Variants in DHX34 observed in about 807,000 individuals in gnomAD.
DHX34 encodes DExH-box helicase 34, also known as probable ATP-dependent RNA helicase DHX34.
DHX34 carries 96 observed loss-of-function variants against 111.1 expected under a neutral mutation model. The ratio of observed to expected loss-of-function variants is 0.86; its 90% CI spans 0.73 to 1.02. The LOEUF (loss-of-function observed/expected upper bound fraction) is 1.02. Among genes scored for constraint, DHX34 ranks in the 50% least tolerant of loss-of-function variants. The probability of loss-of-function intolerance (pLI) is 0.00; values close to 1 mark genes in which losing one functional copy is unlikely to be tolerated. For missense variants in DHX34, 1,560 were observed against 1,579.9 expected (o/e 0.99, Z 0.21); for synonymous variants, 688 against 670.4 (o/e 1.03, Z -0.41).
chr19:47,362,601 T>C lies in DHX34; in HGVS notation c.1501T>C (p.Phe501Leu), dbSNP rs1351121284. 1 of 1,613,916 alleles carries C rather than the reference T, an allele frequency of 6.2e-7. No individual in the cohort carries two copies. The highest frequency in any genetic ancestry group is 8.5e-7 in the Non-Finnish European group (1 of 1,179,984). Residue 501 changes from phenylalanine (F) to leucine (L), a missense_variant, in exon 6 of 17, where the codon TTC (phenylalanine) becomes CTC (leucine). Phe to Leu is a conservative substitution (Grantham distance 22). Coordinates refer to ENST00000328771, the MANE Select transcript of DHX34 (RefSeq NM_014681.6). ...RAGRTGPGVC[F>L]RLYAESDYDA... Reference sequence around the variant, plus strand: ...GGGCCGCACGGGCCCCGGAGTCTGCTTCCGCCTCTATGCCGAATCGGACTA... The same window carrying C: ...GGGCCGCACGGGCCCCGGAGTCTGCCTCCGCCTCTATGCCGAATCGGACTA...
intron 6 of DHX34, among the ~76,000 whole-genome samples, chr19:47,366,194 A>G (rs1469007557): frequency 6.6e-6 from 1 of 152,186 alleles, no homozygotes; most frequent in Non-Finnish European, 1.5e-5. Flanking sequence ...CTGGGGCAAG[A>G]TGTGCTAGGC....
chr19:47,373,007 A>G, intron 8 of DHX34, 84 bp downstream of exon 8: 9 of 1,445,642 alleles, frequency 6.2e-6, no homozygotes, highest in Non-Finnish European at 8.2e-6. Flanking sequence ...CTCGTGTCCC[A>G]CCCTCAGCCC....
At chr19:47,357,423 C>G (rs1275494205) in intron 3 of DHX34, among the ~76,000 whole-genome samples, 12 of 152,076 alleles carry the variant, frequency 7.9e-5, no homozygotes, top group Non-Finnish European at 8.8e-5. Flanking sequence ...AATTATCTAG[C>G]TGGAGTGTGC....
At chr19:47,379,043 C>T (rs537510152) in intron 13 of DHX34, among the ~76,000 whole-genome samples, 2 of 151,912 alleles carry the variant, frequency 1.3e-5, no homozygotes, top group South Asian at 4.2e-4. Flanking sequence ...GCAGGAAAAT[C>T]GCTTGAACCT....
Position 47,376,484 on chromosome 19 carries a change from C to T in DHX34, c.2523C>T (p.Pro841=), listed in dbSNP as rs1434157164. 3.1e-6 allele frequency: 5 copies of T among 1,609,974 alleles called. No individual in the cohort carries two copies. In the Admixed American group the frequency reaches 5.0e-5, roughly 16 times the overall value. ...CCAAGCAGGGCGCCGTGCTGCACCC[C>T]ACCTGCGTCTTCGCTGGCAGCCCCG... ...TQAKQGAVLH[P]TCVFAGSPEV... is the part of the protein sequence containing the mutation. Residue 841 remains proline (P), a synonymous_variant, in exon 12 of 17, where the codon CCC becomes CCT. Transcript: ENST00000328771.
At chr19:47,352,623 C>A (rs1969319783) in intron 1 of DHX34, 131 bp from the exon 2 acceptor site, 2 of 177,724 alleles carry the variant, frequency 1.1e-5, no homozygotes, top group South Asian at 1.2e-4. Context: ...TGTGGTGAGC[C>A]ATGATTACGG....
At chr19:47,379,354 C>A (rs1396943855) in intron 13 of DHX34, among the ~76,000 whole-genome samples, 1 of 152,138 alleles carries the variant, frequency 6.6e-6, no homozygotes, top group Non-Finnish European at 1.5e-5. Context: ...GCGCTGACTT[C>A]CGTCCTCACA....
chr19:47,358,150 G>C, intron 4 of DHX34, 30 bp downstream of exon 4: 3 of 1,591,758 alleles, frequency 1.9e-6, no homozygotes, highest in Non-Finnish European at 2.6e-6. Context: ...TGGGGCAGGC[G>C]GGGGGTCTGC....
chr19:47,378,209 C>T (rs944074788), intron 13 of DHX34, among the ~76,000 whole-genome samples: 11 of 152,130 alleles, frequency 7.2e-5, no homozygotes, highest in African/African-American at 2.7e-4. Context: ...CTGCGATTGC[C>T]ACCAACACCA....
chr19:47,366,299 G>T (rs1969783570), intron 6 of DHX34, among the ~76,000 whole-genome samples: 1 of 151,590 alleles, frequency 6.6e-6, no homozygotes, highest in Non-Finnish European at 1.5e-5. Flanking sequence ...TTTTATTTTT[G>T]AGATAGAATC....
At chr19:47,362,362 A>G in intron 5 of DHX34, 114 bp from the exon 6 acceptor site, 2 of 1,338,170 alleles carry the variant, frequency 1.5e-6, no homozygotes, top group East Asian at 3.1e-5. Context: ...CTCAGTTAGC[A>G]TTAACAGAAT....
At chr19:47,366,124 CCA>C in intron 6 of DHX34, among the ~76,000 whole-genome samples, 1 of 152,230 alleles carries the variant, frequency 6.6e-6, no homozygotes, top group Admixed American at 6.5e-5. Context: ...CTTCCTGGCT[CCA>C]GTCTCATGGA....
intron 6 of DHX34, among the ~76,000 whole-genome samples, chr19:47,364,099 G>A (rs1348864589): frequency 6.6e-6 from 1 of 152,122 alleles, no homozygotes; most frequent in Non-Finnish European, 1.5e-5. Flanking sequence ...CACTCTTGTG[G>A]CTCTATAATC....
intron 6 of DHX34, among the ~76,000 whole-genome samples, chr19:47,365,634 C>T (rs933623905): frequency 6.6e-6 from 1 of 152,196 alleles, no homozygotes; most frequent in Non-Finnish European, 1.5e-5. Flanking sequence ...GCAGCAGCTG[C>T]TTGCAGGTGG....
chr19:47,376,056 G>T lies in DHX34; in HGVS notation c.2440G>T (p.Val814Phe). Residue 814 changes from valine to phenylalanine, a missense_variant, in exon 11 of 17, where the codon GTC (valine) becomes TTC (phenylalanine). Coordinates refer to ENST00000328771, the MANE Select transcript of DHX34 (RefSeq NM_014681.6). ...LGRGLYPQLA[V>F]PDAFNSSRKD... ...CCGGGGCCTGTACCCACAGCTGGCC[G>T]TCCCCGACGCCTTCAACAGCAGCCG... 1.3e-6 allele frequency: 2 copies of T among 1,582,840 alleles called. No individual in the cohort carries two copies. The highest frequency in any genetic ancestry group is 1.7e-6 in the Non-Finnish European group (2 of 1,166,542).
chr19:47,380,584 C>T (rs1392993849), intron 14 of DHX34: 12 of 966,428 alleles, frequency 1.2e-5, no homozygotes, highest in Admixed American at 6.6e-5. Flanking sequence ...CCACCAGTGA[C>T]AGGGGCAGAA....
At chr19:47,373,199 A>G (rs999941083) in intron 8 of DHX34, among the ~76,000 whole-genome samples, 5 of 152,192 alleles carry the variant, frequency 3.3e-5, no homozygotes, top group African/African-American at 1.2e-4. Flanking sequence ...GCTCCTTGGG[A>G]GGCATCTGGA....
At position 47,376,035 on chromosome 19, in the gene DHX34, G is replaced by A. The variant is rs144080741; in HGVS notation, c.2419G>A (p.Gly807Ser). Residue 807 changes from glycine (G) to serine (S), a missense_variant, in exon 11 of 17, where the codon GGC (glycine) becomes AGC (serine). Gly to Ser is a moderately conservative substitution (Grantham distance 56). Transcript: ENST00000328771. ...TCTGCTGAAGCTGGTGCTGGGCCGG[G>A]GCCTGTACCCACAGCTGGCCGTCCC... is the stretch of plus-strand genomic sequence containing the variant. The part of the protein sequence containing the change: ...LALLKLVLGR[G>S]LYPQLAVPDA... 1,481 of 1,601,240 alleles carry A rather than the reference G, an allele frequency of 9.2e-4. 21 individuals are homozygous for A. In the Admixed American group the frequency reaches 0.024, roughly 26 times the overall value.
chr19:47,359,467 A>T (rs1384522377), intron 4 of DHX34, among the ~76,000 whole-genome samples: 2 of 150,910 alleles, frequency 1.3e-5, no homozygotes, highest in Admixed American at 1.3e-4. Flanking sequence ...GTCTCAAAAA[A>T]AAAAAAAAAA....
Sources: gnomAD v4.1 joint callset for allele counts (sites outside exome capture counted in the v4.1 genomes callset) on GRCh38, gnomAD v4.1.1 for gene constraint, MANE v1.5 for transcripts, NCBI Gene and HGNC (gene_info 2026-07-23, HGNC 2026-07-21) for gene names.